TENM2: variants seen among roughly 807,000 people sequenced by gnomAD.
The protein encoded by TENM2 is teneurin-2.
Under a neutral mutation model 245.2 loss-of-function variants are expected in TENM2, and 52 were observed. That is an observed-to-expected ratio of 0.21 (90% CI 0.17 to 0.27). The LOEUF (loss-of-function observed/expected upper bound fraction) is 0.27. Ranked by LOEUF, TENM2 falls within the 10% of genes least tolerant of loss-of-function variation. The pLI is 1.00. For missense variants in TENM2, 3,046 were observed against 3,666.8 expected, an observed-to-expected ratio of 0.83 and a Z score of 4.37; for synonymous variants, 1,363 against 1,438.9, an observed-to-expected ratio of 0.95 and a Z score of 1.19.
rs182774048 is a variant in TENM2 at position 167,509,396 on chromosome 5, T to A, written c.502+133923T>A. The stretch of plus-strand genomic sequence containing the variant: ...CTTCACTTGAAATAATTGAGGACAT[T>A]CAAAATGCCAAAGTTATTGGATTAA... On this transcript the variant is annotated intron_variant, in intron 2 of 28. Coordinates refer to ENST00000518659, the Ensembl canonical transcript of TENM2. Among the ~76,000 whole-genome samples the A allele has an allele frequency of 4.6e-5, 7 of 152,330 alleles. No individual in the cohort carries two copies. The East Asian group carries it at 1.2e-3, about 25-fold the overall frequency.
At position 167,504,425 on chromosome 5, in the gene TENM2, G is replaced by A. The variant is rs13362398; in HGVS notation, c.502+128952G>A. On this transcript the variant is annotated intron_variant, in intron 2 of 28. Coordinates refer to ENST00000518659, the Ensembl canonical transcript of TENM2. ...CTTGCAAAAGCAATGTATTGCCTGT[G>A]GATTTTTCCTACAGTTCATTGTAAC... Among the ~76,000 whole-genome samples, 1,182 of 152,194 alleles carry A rather than the reference G, an allele frequency of 7.8e-3. 21 individuals are homozygous for A. The highest frequency in any genetic ancestry group is 0.027 in the African/African-American group (1,132 of 41,516).
chr5:167,193,065 A>G, the TENM2 span, among the ~76,000 whole-genome samples: 1 of 152,024 alleles, frequency 6.6e-6, no homozygotes. Flanking sequence ...CAGACTGAAA[A>G]CTTTTCTCTC....
intron 2 of TENM2, among the ~76,000 whole-genome samples, chr5:167,399,664 A>C (rs915413379): frequency 6.6e-6 from 1 of 152,178 alleles, no homozygotes; most frequent in Non-Finnish European, 1.5e-5. Context: ...AAACGACTTC[A>C]TCTCTCTGAG....
At chr5:167,490,491 G>A (rs936247576) in intron 2 of TENM2, among the ~76,000 whole-genome samples, 2 of 151,842 alleles carry the variant, frequency 1.3e-5, no homozygotes, top group African/African-American at 2.4e-5. Flanking sequence ...CATGAGATGC[G>A]CTTGTATATT....
the TENM2 span, among the ~76,000 whole-genome samples, chr5:167,070,257 A>G: frequency 2.1e-5 from 3 of 146,290 alleles, no homozygotes; most frequent in Admixed American, 2.0e-4. Context: ...AGCTGGGACT[A>G]CAAGCACCTG....
chr5:167,796,055 G>A (rs751409909), intron 2 of TENM2, among the ~76,000 whole-genome samples: 2 of 152,080 alleles, frequency 1.3e-5, no homozygotes, highest in Admixed American at 6.6e-5. Context: ...AGAAAGTAAT[G>A]GAAAGGAAAC....
At chr5:167,059,932 A>G in the TENM2 span, among the ~76,000 whole-genome samples, 2 of 152,076 alleles carry the variant, frequency 1.3e-5, no homozygotes, top group South Asian at 2.1e-4. Flanking sequence ...CAAACTCCTG[A>G]CTTCAGGTGA....
chr5:167,697,561 G>A (rs1757847922), intron 2 of TENM2, among the ~76,000 whole-genome samples: 1 of 151,998 alleles, frequency 6.6e-6, no homozygotes, highest in African/African-American at 2.4e-5. Flanking sequence ...ATATAGTTTA[G>A]CTCTTGTTGC....
intron 1 of TENM2, among the ~76,000 whole-genome samples, chr5:167,298,157 G>T (rs12055340): frequency 1.3e-5 from 2 of 152,072 alleles, no homozygotes; most frequent in African/African-American, 2.4e-5. Flanking sequence ...GGGCTGCCTC[G>T]AGCGGGATTG....
At chr5:167,470,619 C>T (rs1200975415) in intron 2 of TENM2, among the ~76,000 whole-genome samples, 1 of 151,594 alleles carries the variant, frequency 6.6e-6, no homozygotes, top group African/African-American at 2.4e-5. Context: ...CTCACTAATC[C>T]TTGGAAGTAA....
intron 2 of TENM2, among the ~76,000 whole-genome samples, chr5:167,846,950 A>AATTG (rs35289134): frequency 0.62 from 93,112 of 150,944 alleles, 31,837 homozygotes; most frequent in South Asian, 0.78. Context: ...AAGTCATTTC[A>AATTG]ATTGATTGAT....
chr5:167,935,025 G>A (rs902283665), intron 3 of TENM2: 5 of 570,022 alleles, frequency 8.8e-6, no homozygotes, highest in African/African-American at 2.0e-5. Context: ...TCATGAGTGC[G>A]AGCGGGAAAG....
chr5:167,442,731 CAT>C (rs1561959363), intron 2 of TENM2, among the ~76,000 whole-genome samples: 2 of 152,024 alleles, frequency 1.3e-5, no homozygotes, highest in Non-Finnish European at 2.9e-5. Flanking sequence ...TTCTCTGAAG[CAT>C]TTTTCAGAAA....
At chr5:168,009,915 G>C (rs1302745347) in intron 5 of TENM2, among the ~76,000 whole-genome samples, 1 of 152,058 alleles carries the variant, frequency 6.6e-6, no homozygotes, top group Non-Finnish European at 1.5e-5. Context: ...ATTCTACATC[G>C]GTAACCATTT....
chr5:167,393,481 G>A (rs1445153518), intron 2 of TENM2, among the ~76,000 whole-genome samples: 2 of 152,148 alleles, frequency 1.3e-5, no homozygotes, highest in Non-Finnish European at 2.9e-5. Context: ...TCAGGTGGAA[G>A]AGCTAGTATA....
At chr5:167,025,037 T>G in the TENM2 span, among the ~76,000 whole-genome samples, 1 of 152,156 alleles carries the variant, frequency 6.6e-6, no homozygotes, top group Non-Finnish European at 1.5e-5. Flanking sequence ...GATATTTTTA[T>G]CCAGCTTCCA....
intron 2 of TENM2, among the ~76,000 whole-genome samples, chr5:167,388,760 A>G (rs1466464225): frequency 2.6e-5 from 4 of 152,068 alleles, no homozygotes; most frequent in African/African-American, 4.8e-5. Flanking sequence ...TTTTGACCCA[A>G]TGATCATTCA....
chr5:167,008,861 G>A, the TENM2 span, among the ~76,000 whole-genome samples: 4 of 152,134 alleles, frequency 2.6e-5, no homozygotes, highest in Admixed American at 6.5e-5. Context: ...CACAACTTGA[G>A]TGAATGCAGA....
At chr5:168,023,141 G>T (rs1000833207) in intron 5 of TENM2, among the ~76,000 whole-genome samples, 5 of 152,212 alleles carry the variant, frequency 3.3e-5, no homozygotes, top group Admixed American at 2.0e-4. Context: ...GACAAGGAAA[G>T]CTTCTGTAAT....
Sources: allele counts gnomAD v4.1 joint callset (sites outside exome capture counted in the v4.1 genomes callset), GRCh38; gene constraint gnomAD v4.1.1; transcripts MANE v1.5; gene names NCBI Gene and HGNC (gene_info 2026-07-23, HGNC 2026-07-21).